Variants in LRRC37A2 observed in about 807,000 individuals in gnomAD.
LRRC37A2 encodes the protein leucine rich repeat containing 37 member A2.
LRRC37A2 carries 9 observed loss-of-function variants against 68.8 expected under a neutral mutation model. The observed-to-expected ratio is 0.13, with a 90% confidence interval of 0.08 to 0.23. The LOEUF (loss-of-function observed/expected upper bound fraction) is 0.23, where lower values mean the gene tolerates loss of function less well. Among genes scored for constraint, LRRC37A2 ranks in the 10% least tolerant of loss-of-function variants. The pLI, the probability that LRRC37A2 is intolerant of heterozygous loss-of-function variation, is 1.00. For synonymous variants in LRRC37A2, 63 were observed against 367.6 expected (o/e 0.17, Z 9.48); for missense variants, 168 against 950.4 (o/e 0.18, Z 10.82).
the LRRC37A2 span, chr17:46,830,643 T>C: frequency 5.0e-6 from 2 of 398,600 alleles, no homozygotes; most frequent in African/African-American, 2.1e-5. Flanking sequence ...TTTAAGAAAA[T>C]CTGAAATGAA....
At chr17:46,768,372 TA>T in the LRRC37A2 span, 1 of 1,613,722 alleles carries the variant, frequency 6.2e-7, no homozygotes, top group Non-Finnish European at 8.5e-7. The surrounding 1 kb of genome is among the most constrained non-coding windows in gnomAD (Gnocchi z 5.0). Context: ...GCAGCTGACG[TA>T]GCAGCACCAG....
chr17:46,729,335 G>A, the LRRC37A2 span, among the ~76,000 whole-genome samples: 5 of 151,980 alleles, frequency 3.3e-5, no homozygotes, highest in East Asian at 5.8e-4. Flanking sequence ...TTGTTTATGG[G>A]GATATTTAAG....
chr17:46,693,138 T>C, the LRRC37A2 span: 1 of 1,350,738 alleles, frequency 7.4e-7, no homozygotes, highest in South Asian at 1.6e-5. Context: ...TTAAGATGTG[T>C]GTAGGTTGTG....
chr17:46,940,682 T>A, the LRRC37A2 span: 1 of 1,611,670 alleles, frequency 6.2e-7, no homozygotes, highest in South Asian at 1.1e-5. Context: ...ATAGGACATC[T>A]TTTCGTGGTG....
At chr17:46,844,423 C>G in the LRRC37A2 span, among the ~76,000 whole-genome samples, 2 of 151,512 alleles carry the variant, frequency 1.3e-5, no homozygotes, top group Non-Finnish European at 2.9e-5. Context: ...CACTGCAGTC[C>G]TACCATGAGT....
the LRRC37A2 span, among the ~76,000 whole-genome samples, chr17:47,025,367 C>T: frequency 5.9e-5 from 9 of 151,972 alleles, no homozygotes; most frequent in South Asian, 2.1e-4. Flanking sequence ...GTAATTTAAT[C>T]GGAATTAAAT....
At chr17:46,875,536 C>T in the LRRC37A2 span, among the ~76,000 whole-genome samples, 1 of 152,306 alleles carries the variant, frequency 6.6e-6, no homozygotes, top group East Asian at 1.9e-4. Context: ...GGCATCTACT[C>T]TGGGCTGTGA....
the LRRC37A2 span, among the ~76,000 whole-genome samples, chr17:46,780,657 C>T: frequency 1.3e-5 from 2 of 152,042 alleles, no homozygotes; most frequent in African/African-American, 4.8e-5. Flanking sequence ...GCGCCTGTAG[C>T]CCCAGCTACT....
the LRRC37A2 span, among the ~76,000 whole-genome samples, chr17:46,952,305 A>C: frequency 6.6e-6 from 1 of 152,360 alleles, no homozygotes; most frequent in East Asian, 1.9e-4. Context: ...GGACTGGGTC[A>C]GCAGCCCAAA....
the LRRC37A2 span, among the ~76,000 whole-genome samples, chr17:46,491,665 G>A: frequency 4.3e-5 from 6 of 140,442 alleles, no homozygotes; most frequent in Admixed American, 2.1e-4. Flanking sequence ...TGGAACTGTT[G>A]CAGATATTTA....
the LRRC37A2 span, among the ~76,000 whole-genome samples, chr17:47,038,439 G>A: frequency 6.6e-6 from 1 of 151,894 alleles, no homozygotes; most frequent in Non-Finnish European, 1.5e-5. Flanking sequence ...AACATAGTGA[G>A]ACCCTATCTC....
At chr17:46,708,749 C>T in the LRRC37A2 span, among the ~76,000 whole-genome samples, 1 of 148,546 alleles carries the variant, frequency 6.7e-6, no homozygotes, top group African/African-American at 2.5e-5. Flanking sequence ...CTACCTCAGC[C>T]TCCCAGTGTG....
At chr17:46,894,351 A>AG in the LRRC37A2 span, among the ~76,000 whole-genome samples, 4 of 152,166 alleles carry the variant, frequency 2.6e-5, no homozygotes, top group Non-Finnish European at 4.4e-5. Context: ...TGTAATAACA[A>AG]GGGGGGTCAG....
the LRRC37A2 span, among the ~76,000 whole-genome samples, chr17:46,953,747 G>A: frequency 1.3e-5 from 2 of 152,152 alleles, no homozygotes; most frequent in Non-Finnish European, 2.9e-5. Flanking sequence ...GGTGTGAGAT[G>A]GTATCTCATT....
chr17:46,878,641 G>A, the LRRC37A2 span, among the ~76,000 whole-genome samples: 5 of 152,206 alleles, frequency 3.3e-5, no homozygotes, highest in Admixed American at 1.3e-4. Context: ...TTGCTCCTCC[G>A]AGACCCCAAC....
At chr17:46,876,203 G>A in the LRRC37A2 span, 18 of 1,537,514 alleles carry the variant, frequency 1.2e-5, no homozygotes, top group African/African-American at 2.7e-5. Context: ...TGGCTGCTGG[G>A]CCCAGGCCTC....
the LRRC37A2 span, among the ~76,000 whole-genome samples, chr17:46,472,742 T>TA: frequency 3.0e-4 from 4 of 13,316 alleles, no homozygotes; most frequent in African/African-American, 8.6e-4. Context: ...CCATCTCTAC[T>TA]AAAAAAAAAA....
At chr17:46,767,832 T>A in the LRRC37A2 span, among the ~76,000 whole-genome samples, 1 of 152,136 alleles carries the variant, frequency 6.6e-6, no homozygotes, top group African/African-American at 2.4e-5. Flanking sequence ...TCGCCCAGGC[T>A]GGATGGAGTC....
At chr17:46,983,549 C>A in the LRRC37A2 span, among the ~76,000 whole-genome samples, 6 of 152,124 alleles carry the variant, frequency 3.9e-5, no homozygotes, top group Non-Finnish European at 8.8e-5. Context: ...CTGCCTCGGC[C>A]TCCCAAAGTA....
Sources: gnomAD v4.1 joint callset for allele counts (sites outside exome capture counted in the v4.1 genomes callset) on GRCh38, gnomAD v4.1.1 for gene constraint, Gnocchi (gnomAD v3.1) non-coding constraint, MANE v1.5 for transcripts, NCBI Gene and HGNC (gene_info 2026-07-23, HGNC 2026-07-21) for gene names.